The following BAIAP2L1 variants were observed in gnomAD, a reference collection of about 807,000 sequenced individuals.
BAIAP2L1 encodes BAR/IMD domain containing adaptor protein 2 like 1.
BAIAP2L1 carries 35 observed loss-of-function variants against 66.3 expected under a neutral mutation model. The observed-to-expected ratio is 0.53, with a 90% CI of 0.40 to 0.70. The LOEUF (loss-of-function observed/expected upper bound fraction) is 0.70, where lower values mean the gene tolerates loss of function less well. Among genes scored for constraint, BAIAP2L1 ranks in the 30% least tolerant of loss-of-function variants. The pLI is 0.00. For missense variants in BAIAP2L1, 622 were observed against 656.9 expected, an observed-to-expected ratio of 0.95 and a Z score of 0.58; for synonymous variants, 269 against 248.7, an observed-to-expected ratio of 1.08 and a Z score of -0.77.
At chr7:98,301,799 A>G (rs1800441613) in intron 12 of BAIAP2L1, among the ~76,000 whole-genome samples, 1 of 152,042 alleles carries the variant, frequency 6.6e-6, no homozygotes, top group Non-Finnish European at 1.5e-5. Context: ...TCTCCCGTGG[A>G]GGGGACAGCC....
rs148579418 is a variant in BAIAP2L1 at position 98,307,415 on chromosome 7, T to C, written c.1163+274A>G. The C allele has an allele frequency of 3.7e-5, 47 of 1,277,150 alleles. 1 individual carries two copies. The African/African-American group carries it at 5.9e-4, about 16-fold the overall frequency. The allele number at this position is 1,277,150 out of a possible 1,614,324, so 79.1% of individuals were successfully genotyped here. Reference sequence around the variant, plus strand: ...GCCACTGCACTGGCCAAATGCTAAATTTTTTTTAAAAACAAAAGAATGTTT... The same window carrying C: ...GCCACTGCACTGGCCAAATGCTAAACTTTTTTTAAAAACAAAAGAATGTTT... On this transcript the variant is annotated intron_variant, in intron 10 of 13. Coordinates refer to ENST00000005260, the MANE Select transcript of BAIAP2L1 (RefSeq NM_018842.5).
At chr7:98,293,992 T>A in intron 13 of BAIAP2L1, 82 bp downstream of exon 13, 1 of 1,475,790 alleles carries the variant, frequency 6.8e-7, no homozygotes, top group Non-Finnish European at 9.4e-7. Context: ...CCCCCTGGGC[T>A]GGGCACCGAA....
At position 98,310,449 on chromosome 7, in the gene BAIAP2L1, T is replaced by C. The variant is rs1800824473; in HGVS notation, c.951A>G (p.Ser317=). 1.3e-6 allele frequency: 2 copies of C among 1,592,368 alleles called. No individual in the cohort carries two copies. The highest frequency in any genetic ancestry group is 1.4e-5 in the African/African-American group (1 of 73,754). Reference sequence around the variant, plus strand: ...AAATCAGACTGAATCTCTTACCTGTTGAATTATTTACCCTTTGTGAATTCG... The same window carrying C: ...AAATCAGACTGAATCTCTTACCTGTCGAATTATTTACCCTTTGTGAATTCG... ...AAPNSQRVNN[S]TGTSEDPSLQ... Residue 317 remains serine, a synonymous_variant, in exon 9 of 14, where the codon TCA becomes TCG. Transcript: ENST00000005260.
chr7:98,308,203 A>C, intron 9 of BAIAP2L1: 1 of 549,140 alleles, frequency 1.8e-6, no homozygotes, highest in Non-Finnish European at 3.5e-6. Flanking sequence ...TGCTTTAGCC[A>C]GGATGGCTCT....
At chr7:98,393,834 G>A (rs1803131932) in intron 1 of BAIAP2L1, among the ~76,000 whole-genome samples, 1 of 150,426 alleles carries the variant, frequency 6.6e-6, no homozygotes, top group African/African-American at 2.4e-5. Context: ...GCGCAGTGAG[G>A]GGCTCATGCC....
At chr7:98,390,450 C>T (rs185667281) in intron 1 of BAIAP2L1, among the ~76,000 whole-genome samples, 141 of 151,610 alleles carry the variant, frequency 9.3e-4, no homozygotes, top group African/African-American at 3.3e-3. Flanking sequence ...TAAATATGGC[C>T]GGGTGCAGTG....
chr7:98,358,550 TCTCA>T (rs1199078843), intron 2 of BAIAP2L1, among the ~76,000 whole-genome samples: 1 of 151,768 alleles, frequency 6.6e-6, no homozygotes, highest in African/African-American at 2.4e-5. Context: ...AGAAATAGGG[TCTCA>T]CTATGTTGCC....
chr7:98,294,340 A>G (rs565379340), intron 12 of BAIAP2L1, among the ~76,000 whole-genome samples: 2 of 152,232 alleles, frequency 1.3e-5, no homozygotes, highest in Non-Finnish European at 2.9e-5. Flanking sequence ...CATCTAAAAC[A>G]TAAGGGATGT....
chr7:98,386,425 C>T, intron 1 of BAIAP2L1: 2 of 1,596,494 alleles, frequency 1.3e-6, no homozygotes, highest in Non-Finnish European at 1.7e-6. Flanking sequence ...ATTTTGGTTC[C>T]TTGGGTCCTG....
At chr7:98,325,396 G>T (rs1801357366) in intron 3 of BAIAP2L1, among the ~76,000 whole-genome samples, 2 of 151,438 alleles carry the variant, frequency 1.3e-5, no homozygotes, top group African/African-American at 4.9e-5. Flanking sequence ...AATAATTGGA[G>T]GCCAGGTGTG....
intron 7 of BAIAP2L1, among the ~76,000 whole-genome samples, chr7:98,313,387 G>T (rs1044657571): frequency 6.6e-5 from 10 of 152,102 alleles, no homozygotes; most frequent in Admixed American, 4.6e-4. Context: ...CTGATAACTG[G>T]AGCTCCCTGA....
intron 1 of BAIAP2L1, among the ~76,000 whole-genome samples, chr7:98,389,918 A>ATTTTTTTTTTTTTTTTTTTTTTT (rs750099451): frequency 7.7e-6 from 1 of 129,764 alleles, no homozygotes. Flanking sequence ...GGGTTAGTAA[A>ATTTTTTTTTTTTTTTTTTTTTTT]TTTTTTTTTT....
At chr7:98,343,069 T>C (rs1351414652) in intron 3 of BAIAP2L1, among the ~76,000 whole-genome samples, 1 of 151,730 alleles carries the variant, frequency 6.6e-6, no homozygotes, top group African/African-American at 2.4e-5. Flanking sequence ...TTGAGTGGCA[T>C]GAATTTGACC....
chr7:98,357,678 A>G (rs1006631312), intron 2 of BAIAP2L1, among the ~76,000 whole-genome samples: 1 of 152,054 alleles, frequency 6.6e-6, no homozygotes, highest in Non-Finnish European at 1.5e-5. Flanking sequence ...GCACTATTAT[A>G]AGACTCAGAA....
At chr7:98,351,491 G>A (rs1006576642) in intron 3 of BAIAP2L1, among the ~76,000 whole-genome samples, 5 of 152,122 alleles carry the variant, frequency 3.3e-5, no homozygotes, top group African/African-American at 9.7e-5. Flanking sequence ...GGGGTATAAG[G>A]GGCTGTGTGC....
intron 12 of BAIAP2L1, among the ~76,000 whole-genome samples, chr7:98,303,922 A>T (rs919455995): frequency 1.3e-5 from 2 of 152,230 alleles, no homozygotes; most frequent in African/African-American, 4.8e-5. Flanking sequence ...AAACCTAATA[A>T]AATCTAGCAA....
chr7:98,390,688 C>T (rs1231912714), intron 1 of BAIAP2L1, among the ~76,000 whole-genome samples: 2 of 151,550 alleles, frequency 1.3e-5, no homozygotes, highest in African/African-American at 4.8e-5. Flanking sequence ...GCCAAGATTG[C>T]GCCACTGCAC....
intron 3 of BAIAP2L1, among the ~76,000 whole-genome samples, chr7:98,345,589 G>T (rs1486696268): frequency 1.3e-5 from 2 of 152,038 alleles, no homozygotes; most frequent in African/African-American, 4.8e-5. Context: ...GCTGGGTGTG[G>T]TGGGGGGGTA....
At chr7:98,353,960 T>G (rs1455410263) in intron 3 of BAIAP2L1, among the ~76,000 whole-genome samples, 2 of 118,442 alleles carry the variant, frequency 1.7e-5, no homozygotes, top group Non-Finnish European at 3.3e-5. Flanking sequence ...AGACTCTGTC[T>G]CAATAAAATA....
Sources: gnomAD v4.1 joint callset for allele counts (sites outside exome capture counted in the v4.1 genomes callset) on GRCh38, gnomAD v4.1.1 for gene constraint, MANE v1.5 for transcripts, NCBI Gene and HGNC (gene_info 2026-07-23, HGNC 2026-07-21) for gene names.